The following PIEZO1 variants were observed in gnomAD, a reference collection of about 807,000 sequenced individuals.
PIEZO1 encodes piezo-type mechanosensitive ion channel component 1.
Under a neutral mutation model 297.2 loss-of-function variants are expected in PIEZO1, and 296 were observed. That is an observed-to-expected ratio of 1.00 (90% CI 0.91 to 1.10). The LOEUF is 1.10. Among genes scored for constraint, PIEZO1 ranks in the 50% least tolerant of loss-of-function variants. The pLI, the probability that PIEZO1 is intolerant of heterozygous loss-of-function variation, is 0.00. For synonymous variants in PIEZO1, 2,427 were observed against 1,507.5 expected (o/e 1.61, Z -14.13); for missense variants, 5,018 against 3,455.5 (o/e 1.45, Z -11.34).
chr16:88,717,901 GT>G (rs763861484), intron 44 of PIEZO1: 1 of 401,170 alleles, frequency 2.5e-6, no homozygotes, highest in Non-Finnish European at 4.8e-6. Flanking sequence ...GAGGTCAGGA[GT>G]TTGAGACGAA....
At chr16:88,740,398 A>C (rs996833523) in intron 5 of PIEZO1, 2 of 152,398 alleles carry the variant, frequency 1.3e-5, no homozygotes, top group Non-Finnish European at 2.9e-5. Context: ...CCCAGCAGCC[A>C]AACTCTAGGA....
Position 88,721,440 on chromosome 16 carries a change from G to C in PIEZO1, c.5404-10C>G. On this transcript the variant is annotated splice_polypyrimidine_tract_variant and intron_variant, in intron 38 of 50. Coordinates refer to ENST00000301015, the MANE Select transcript of PIEZO1 (RefSeq NM_001142864.4). The stretch of plus-strand genomic sequence containing the variant: ...CCCAGAGGCCATAGCACTGAGGGGC[G>C]GGAGGGTGTGGTGAGGGGGCCTTGC... 1 of 1,543,602 alleles carries C rather than the reference G, an allele frequency of 6.5e-7. No individual in the cohort carries two copies. The highest frequency in any genetic ancestry group is 8.8e-7 in the Non-Finnish European group (1 of 1,141,986).
intron 26 of PIEZO1, 32 bp from the exon 27 acceptor site, chr16:88,726,487 C>T: frequency 1.9e-6 from 3 of 1,548,102 alleles, no homozygotes; most frequent in Non-Finnish European, 2.6e-6. Context: ...GGGTCAGGCC[C>T]AGGGCCCAGG....
intron 1 of PIEZO1, among the ~76,000 whole-genome samples, chr16:88,752,096 C>A (rs145490873): frequency 6.6e-6 from 1 of 152,152 alleles, no homozygotes; most frequent in Non-Finnish European, 1.5e-5. Flanking sequence ...TTTGGGAAAA[C>A]GAAGAAGTTC....
intron 2 of PIEZO1, chr16:88,744,318 C>A (rs1280418190): frequency 6.6e-6 from 1 of 152,532 alleles, no homozygotes. Context: ...ACTGGGCACT[C>A]AGGGAGAGCA....
Position 88,733,893 on chromosome 16 carries a change from C to T in PIEZO1, c.2329+13G>A. The stretch of plus-strand genomic sequence containing the variant: ...AGACTGGGTGGCAGCTGTGCTCTGC[C>T]CGCCCAACCCACCTTCAGGCACCTG... On this transcript the variant is annotated intron_variant, in intron 17 of 50. Coordinates refer to ENST00000301015, the MANE Select transcript of PIEZO1 (RefSeq NM_001142864.4). 6.7e-7 allele frequency: 1 copy of T among 1,481,964 alleles called. No individual in the cohort carries two copies. The highest frequency in any genetic ancestry group is 9.0e-7 in the Non-Finnish European group (1 of 1,109,636). 91.8% of individuals were successfully genotyped at this position (1,481,964 alleles called of 1,614,324 possible). A position where few individuals can be genotyped will look rare whatever the true frequency, so the allele number is the denominator to read the frequency against.
At chr16:88,717,986 G>A in intron 44 of PIEZO1, 1 of 335,402 alleles carries the variant, frequency 3.0e-6, no homozygotes, top group Non-Finnish European at 5.7e-6. Flanking sequence ...GGGAGGCTGA[G>A]GTGGGAGAAT....
At position 88,738,347 on chromosome 16, in the gene PIEZO1, C is replaced by T. The variant is rs1193900008; in HGVS notation, c.728G>A (p.Arg243Gln). 4 of 1,535,774 alleles carry T rather than the reference C, an allele frequency of 2.6e-6. No homozygotes were observed. The highest frequency in any genetic ancestry group is 1.7e-4 in the Middle Eastern group (1 of 6,012). ...WWACHFPIST[R>Q]GFSRLCVAVG... ...CGCGACGCAGAGTCTGCTGAAGCCCCGAGTGCTGATGGGAAAGTGGCAGGC... is the reference window on the plus strand; with the variant it reads ...CGCGACGCAGAGTCTGCTGAAGCCCTGAGTGCTGATGGGAAAGTGGCAGGC... The change falls in exon 7 of 51, where the codon CGG becomes CAG. Residue 243 changes from arginine to glutamine, a missense_variant. Physicochemically the swap from Arg to Gln is conservative, Grantham distance 43 (BLOSUM62 1). Coordinates refer to ENST00000301015, the MANE Select transcript of PIEZO1 (RefSeq NM_001142864.4).
chr16:88,750,631 T>G (rs1395848080), intron 1 of PIEZO1, among the ~76,000 whole-genome samples: 1 of 152,190 alleles, frequency 6.6e-6, no homozygotes, highest in East Asian at 1.9e-4. Context: ...TGATAAGGTC[T>G]GGAGTCAGGG....
At chr16:88,769,185 T>C (rs972223651) in intron 1 of PIEZO1, among the ~76,000 whole-genome samples, 3 of 152,220 alleles carry the variant, frequency 2.0e-5, no homozygotes, top group African/African-American at 7.2e-5. Context: ...CATTTCAATA[T>C]ATACCTCGTA....
chr16:88,723,216 C>A lies in PIEZO1; in HGVS notation c.4438+10G>T, dbSNP rs1338600483. On this transcript the variant is annotated intron_variant, in intron 32 of 50. Coordinates refer to ENST00000301015, the MANE Select transcript of PIEZO1 (RefSeq NM_001142864.4). ...GCTTCCCCTCAGAGTCCCCACGCCC[C>A]CCAGCTCACCTGTGGGTAGCTGTCC... 1.6e-5 allele frequency: 24 copies of A among 1,548,290 alleles called. No individual in the cohort carries two copies. Among genetic ancestry groups the A allele is most frequent in the Non-Finnish European group, 2.0e-5 (23 of 1,146,842 alleles).
intron 44 of PIEZO1, chr16:88,718,162 C>T (rs563732715): frequency 6.1e-5 from 11 of 179,168 alleles, no homozygotes; most frequent in South Asian, 1.2e-4. Context: ...AGACGCTCAG[C>T]GTCGGTCAAC....
intron 30 of PIEZO1, 134 bp downstream of exon 30, chr16:88,724,875 G>A (rs1395934010): frequency 2.1e-5 from 12 of 571,190 alleles, no homozygotes; most frequent in Admixed American, 8.3e-5. Flanking sequence ...CCCGACCCAG[G>A]AGGCCTGAGC....
At position 88,735,253 on chromosome 16, in the gene PIEZO1, C is replaced by A. The variant is rs762154499; in HGVS notation, c.1558-7G>T. 1.1e-5 allele frequency: 17 copies of A among 1,543,634 alleles called. No individual in the cohort carries two copies. Among genetic ancestry groups the A allele is most frequent in the Non-Finnish European group, 1.5e-5 (17 of 1,140,916 alleles). On this transcript the variant is annotated splice_polypyrimidine_tract_variant and splice_region_variant and intron_variant, in intron 12 of 50. Coordinates refer to ENST00000301015, the MANE Select transcript of PIEZO1 (RefSeq NM_001142864.4). ...AGGTCAGGGTGTAGAGCAACTGTGACAAGCGCAGGGTGTCACAGTCAGCCG... is the reference window on the plus strand; with the variant it reads ...AGGTCAGGGTGTAGAGCAACTGTGAAAAGCGCAGGGTGTCACAGTCAGCCG...
Position 88,732,749 on chromosome 16 carries a change from C to G in PIEZO1, c.2665-17G>C, listed in dbSNP as rs1401862658. 3.3e-6 allele frequency: 5 copies of G among 1,532,010 alleles called. No individual in the cohort carries two copies. The Admixed American group carries it at 1.0e-4, about 31-fold the overall frequency. 94.9% of individuals were successfully genotyped at this position (1,532,010 alleles called of 1,614,324 possible). A position where few individuals can be genotyped will look rare whatever the true frequency, so the allele number is the denominator to read the frequency against. ...GGGGAAGGGCTGGCAAGAGGCCAGG[C>G]ATCAGTGCCCCCTCCCAGGCCACAG... On this transcript the variant is annotated splice_polypyrimidine_tract_variant and intron_variant, in intron 19 of 50. Coordinates refer to ENST00000301015, the MANE Select transcript of PIEZO1 (RefSeq NM_001142864.4).
At chr16:88,757,053 G>C (rs886212401) in intron 1 of PIEZO1, among the ~76,000 whole-genome samples, 3 of 152,178 alleles carry the variant, frequency 2.0e-5, no homozygotes, top group African/African-American at 7.2e-5. Flanking sequence ...TCCAGCCTGG[G>C]CGACAGAGCG....
At chr16:88,742,556 G>A (rs1905754843) in intron 2 of PIEZO1, 134 bp from the exon 3 acceptor site, 2 of 901,242 alleles carry the variant, frequency 2.2e-6, no homozygotes, top group Non-Finnish European at 3.3e-6. Context: ...ATGGACTCAG[G>A]ACCCCATCAG....
intron 1 of PIEZO1, among the ~76,000 whole-genome samples, chr16:88,784,188 C>T (rs1908065341): frequency 6.6e-6 from 1 of 152,242 alleles, no homozygotes. Flanking sequence ...GGGACCCCTG[C>T]CCCGCCCTGA....
intron 21 of PIEZO1, 49 bp from the exon 22 acceptor site, chr16:88,731,959 A>ATGGGCGGGGCGTG: frequency 1.7e-5 from 1 of 59,668 alleles, no homozygotes; most frequent in Non-Finnish European, 3.1e-5. Context: ...GTCTGGGGGG[A>ATGGGCGGGGCGTG]GGGACTTTCT....
Sources: gnomAD v4.1 joint callset for allele counts (sites outside exome capture counted in the v4.1 genomes callset) on GRCh38, gnomAD v4.1.1 for gene constraint, MANE v1.5 for transcripts, NCBI Gene and HGNC (gene_info 2026-07-23, HGNC 2026-07-21) for gene names.